SLAMF6: variants seen among roughly 807,000 people sequenced by gnomAD.
The protein encoded by SLAMF6 is NK-T-B-antigen.
SLAMF6 carries 21 observed loss-of-function variants against 38.3 expected under a neutral mutation model. That is an observed-to-expected ratio of 0.55 (90% CI 0.39 to 0.79). The LOEUF (loss-of-function observed/expected upper bound fraction) is 0.79, where lower values mean the gene tolerates loss of function less well. SLAMF6 is among the 30% of genes least tolerant of loss of function. The pLI, the probability that SLAMF6 is intolerant of heterozygous loss-of-function variation, is 0.00. For synonymous variants in SLAMF6, 152 were observed against 146.3 expected (o/e 1.04, Z -0.28); for missense variants, 341 against 385.3 (o/e 0.89, Z 0.96).
intron 5 of SLAMF6, among the ~76,000 whole-genome samples, chr1:160,489,569 T>C (rs1222528825): frequency 6.6e-6 from 1 of 152,096 alleles, no homozygotes; most frequent in Non-Finnish European, 1.5e-5. Context: ...CTACAGCGGA[T>C]TTGATTATTT....
intron 1 of SLAMF6, among the ~76,000 whole-genome samples, chr1:160,502,346 G>T (rs115442708): frequency 6.6e-6 from 1 of 152,142 alleles, no homozygotes; most frequent in Non-Finnish European, 1.5e-5. Flanking sequence ...AAGTCACTGG[G>T]GAACTCCTTG....
chr1:160,515,429 C>T (rs1571315237), intron 1 of SLAMF6, among the ~76,000 whole-genome samples: 4 of 152,274 alleles, frequency 2.6e-5, no homozygotes, highest in African/African-American at 9.6e-5. Context: ...ACTAGAGGTA[C>T]AAAGAGGACC....
intron 1 of SLAMF6, among the ~76,000 whole-genome samples, chr1:160,501,795 T>C (rs1653910455): frequency 6.6e-6 from 1 of 151,840 alleles, no homozygotes; most frequent in Admixed American, 6.6e-5. Context: ...AAGGATGAGC[T>C]AAAATATCTG....
intron 5 of SLAMF6, 70 bp downstream of exon 5, chr1:160,490,128 T>C (rs1653203480): frequency 3.3e-6 from 5 of 1,531,042 alleles, no homozygotes; most frequent in South Asian, 1.1e-5. Flanking sequence ...CCCTCTGCCA[T>C]CCCCCTCTCT....
chr1:160,512,131 GC>G (rs1457714520), intron 1 of SLAMF6, among the ~76,000 whole-genome samples: 1 of 152,208 alleles, frequency 6.6e-6, no homozygotes, highest in Non-Finnish European at 1.5e-5. Flanking sequence ...GGAAGGGGCA[GC>G]AGCCATCACT....
chr1:160,492,054 G>A (rs1653332466), intron 2 of SLAMF6, among the ~76,000 whole-genome samples: 1 of 152,174 alleles, frequency 6.6e-6, no homozygotes, highest in Non-Finnish European at 1.5e-5. Flanking sequence ...ATTCTGGGGA[G>A]CAAAGAAGTG....
At chr1:160,516,946 A>G (rs1327649610) in intron 1 of SLAMF6, among the ~76,000 whole-genome samples, 1 of 152,228 alleles carries the variant, frequency 6.6e-6, no homozygotes, top group African/African-American at 2.4e-5. Flanking sequence ...GGACATAGGC[A>G]TGGGCAAAGA....
At chr1:160,508,043 T>A (rs1050981581) in intron 1 of SLAMF6, among the ~76,000 whole-genome samples, 1 of 152,160 alleles carries the variant, frequency 6.6e-6, no homozygotes, top group African/African-American at 2.4e-5. Flanking sequence ...TCCATGCTCA[T>A]GGGTAGGAAG....
chr1:160,517,363 C>T (rs1654793612), intron 1 of SLAMF6, among the ~76,000 whole-genome samples: 3 of 152,136 alleles, frequency 2.0e-5, no homozygotes, highest in African/African-American at 7.2e-5. Context: ...ACAACAGATG[C>T]TTGTGAGGTT....
At chr1:160,520,145 C>T (rs138715297) in intron 1 of SLAMF6, among the ~76,000 whole-genome samples, 4 of 152,214 alleles carry the variant, frequency 2.6e-5, no homozygotes, top group African/African-American at 7.2e-5. Context: ...AAGATGTGGA[C>T]GGTTGGTAAA....
chr1:160,510,432 C>T (rs1443163581), intron 1 of SLAMF6, among the ~76,000 whole-genome samples: 1 of 151,846 alleles, frequency 6.6e-6, no homozygotes, highest in Non-Finnish European at 1.5e-5. Flanking sequence ...AAAAGTGGTT[C>T]AATACATGAA....
At chr1:160,514,722 CA>C (rs1654654152) in intron 1 of SLAMF6, among the ~76,000 whole-genome samples, 2 of 152,140 alleles carry the variant, frequency 1.3e-5, no homozygotes, top group African/African-American at 4.8e-5. Context: ...CACATAGCTA[CA>C]TAGAAATTGA....
chr1:160,498,385 A>G (rs1198388180), intron 1 of SLAMF6, among the ~76,000 whole-genome samples: 1 of 152,144 alleles, frequency 6.6e-6, no homozygotes, highest in East Asian at 1.9e-4. Flanking sequence ...AGTAATTTAT[A>G]AAGGAAAGAT....
chr1:160,485,767 A>G lies in SLAMF6; in HGVS notation c.*940T>C, dbSNP rs1652931426. On this transcript the variant is annotated 3_prime_UTR_variant, in exon 8 of 8. Coordinates refer to ENST00000368057, the MANE Select transcript of SLAMF6 (RefSeq NM_001184714.2). ...ACAACTGTTCTGATCTTAAGGTAGG[A>G]TTCAGGTTAGAGGTGGTGATGGTTG... is the stretch of plus-strand genomic sequence containing the variant. 1 of 152,746 alleles carries G rather than the reference A, an allele frequency of 6.5e-6. No individual in the cohort carries two copies. The highest frequency in any genetic ancestry group is 2.4e-5 in the African/African-American group (1 of 41,440). 9.5% of individuals were successfully genotyped at this position (152,746 alleles called of 1,614,324 possible).
Position 160,486,628 on chromosome 1 carries a change from C to G in SLAMF6, c.*79G>C, listed in dbSNP as rs1652975542. The G allele has an allele frequency of 6.9e-7, 1 of 1,445,540 alleles. No individual in the cohort carries two copies. 89.5% of individuals were successfully genotyped at this position (1,445,540 alleles called of 1,614,324 possible). On this transcript the variant is annotated 3_prime_UTR_variant, in exon 8 of 8. Coordinates refer to ENST00000368057, the MANE Select transcript of SLAMF6 (RefSeq NM_001184714.2). ...TTCTGTTGCCAGGAACAACAGGAACCAAGCTTCCTGTTCTTTGTTCTGTCT... is the reference window on the plus strand; with the variant it reads ...TTCTGTTGCCAGGAACAACAGGAACGAAGCTTCCTGTTCTTTGTTCTGTCT...
At chr1:160,500,728 T>A in intron 1 of SLAMF6, among the ~76,000 whole-genome samples, 1 of 152,166 alleles carries the variant, frequency 6.6e-6, no homozygotes, top group Non-Finnish European at 1.5e-5. Flanking sequence ...GAACAGCACC[T>A]GGCACATAGT....
At chr1:160,490,267 G>A (rs774410295) in intron 4 of SLAMF6, 31 bp from the exon 5 acceptor site, 4 of 1,612,784 alleles carry the variant, frequency 2.5e-6, no homozygotes, top group Non-Finnish European at 8.5e-7. Flanking sequence ...ATTGAAATGT[G>A]TGACAGCAGT....
intron 7 of SLAMF6, 122 bp from the exon 8 acceptor site, chr1:160,486,876 T>G (rs1019336468): frequency 1.8e-6 from 2 of 1,127,608 alleles, no homozygotes; most frequent in Non-Finnish European, 2.6e-6. Context: ...ATTGATAGCA[T>G]AGGGCAGGAT....
intron 1 of SLAMF6, among the ~76,000 whole-genome samples, chr1:160,502,935 C>A (rs983275883): frequency 3.9e-5 from 6 of 151,950 alleles, no homozygotes; most frequent in Non-Finnish European, 8.8e-5. Context: ...GTAACAGAGT[C>A]CTGAGCAAAT....
Sources: gnomAD v4.1 joint callset for allele counts (sites outside exome capture counted in the v4.1 genomes callset) on GRCh38, gnomAD v4.1.1 for gene constraint, MANE v1.5 for transcripts, NCBI Gene and HGNC (gene_info 2026-07-23, HGNC 2026-07-21) for gene names.